CHN2: variants seen among roughly 807,000 people sequenced by gnomAD.
CHN2 encodes the protein beta-chimaerin.
Under a neutral mutation model 56.3 loss-of-function variants are expected in CHN2, and 35 were observed. That is an observed-to-expected ratio of 0.62 (90% CI 0.47 to 0.82). CHN2 has a LOEUF of 0.82. CHN2 is among the 40% of genes least tolerant of loss of function. The pLI is 0.00. For synonymous variants in CHN2, 210 were observed against 212.8 expected, an observed-to-expected ratio of 0.99 and a Z score of 0.12; for missense variants, 491 against 580.5, an observed-to-expected ratio of 0.85 and a Z score of 1.58.
chr7:29,342,097 A>T (rs1366483405), intron 1 of CHN2, among the ~76,000 whole-genome samples: 7 of 152,176 alleles, frequency 4.6e-5, no homozygotes, highest in Non-Finnish European at 7.4e-5. Flanking sequence ...GGCACCTTGA[A>T]AGCAGTGACT....
At chr7:29,227,411 T>C (rs930487416) in intron 1 of CHN2, among the ~76,000 whole-genome samples, 1 of 152,238 alleles carries the variant, frequency 6.6e-6, no homozygotes, top group African/African-American at 2.4e-5. Flanking sequence ...TTGTCTGCTG[T>C]CTAGAACTAC....
intron 1 of CHN2, among the ~76,000 whole-genome samples, chr7:29,274,083 C>T (rs1298175568): frequency 6.6e-6 from 1 of 152,128 alleles, no homozygotes; most frequent in African/African-American, 2.4e-5. Flanking sequence ...GGCATGGTGT[C>T]CCAAGCAAAT....
intron 1 of CHN2, among the ~76,000 whole-genome samples, chr7:29,294,161 C>CG (rs1792932379): frequency 6.6e-6 from 1 of 152,066 alleles, no homozygotes; most frequent in Admixed American, 6.6e-5. Flanking sequence ...CCACGGCGCC[C>CG]GGCCTGAGGG....
intron 1 of CHN2, among the ~76,000 whole-genome samples, chr7:29,210,342 G>A (rs529102324): frequency 2.6e-5 from 4 of 152,106 alleles, no homozygotes; most frequent in Admixed American, 6.5e-5. Context: ...GTCCAAGTAT[G>A]CTCCAAGGCG....
chr7:29,398,561 G>T (rs1801949053), intron 5 of CHN2, 75 bp downstream of exon 5: 1 of 917,476 alleles, frequency 1.1e-6, no homozygotes. Flanking sequence ...TTTAAGAATT[G>T]TAGCAGAGTA....
intron 1 of CHN2, among the ~76,000 whole-genome samples, chr7:29,222,095 G>A (rs1291755607): frequency 2.6e-5 from 4 of 152,026 alleles, no homozygotes; most frequent in Non-Finnish European, 5.9e-5. Context: ...AAATCAGGAA[G>A]GATCTCCCAT....
At chr7:29,315,210 T>C (rs1184682057) in intron 1 of CHN2, among the ~76,000 whole-genome samples, 1 of 152,234 alleles carries the variant, frequency 6.6e-6, no homozygotes, top group Non-Finnish European at 1.5e-5. Context: ...GATCTTCTCA[T>C]TATGAAATGC....
chr7:29,217,166 A>G (rs1785409765), intron 1 of CHN2, among the ~76,000 whole-genome samples: 2 of 152,234 alleles, frequency 1.3e-5, no homozygotes, highest in Non-Finnish European at 2.9e-5. Context: ...AAAATGAAAT[A>G]AGCAGTTTGG....
chr7:29,399,931 G>A (rs1455154587), intron 5 of CHN2, among the ~76,000 whole-genome samples: 1 of 152,168 alleles, frequency 6.6e-6, no homozygotes, highest in East Asian at 1.9e-4. Context: ...AGAGAGGAGG[G>A]AACCTCTAGG....
At chr7:29,199,193 G>C (rs1297314971) in intron 1 of CHN2, among the ~76,000 whole-genome samples, 1 of 152,092 alleles carries the variant, frequency 6.6e-6, no homozygotes, top group Non-Finnish European at 1.5e-5. Flanking sequence ...TCATTATTGG[G>C]GAGTCAAAAC....
Position 29,162,070 on chromosome 7 carries a change from T to C in CHN2, c.274+15110T>C, listed in dbSNP as rs576073812. Among the ~76,000 whole-genome samples the C allele has an allele frequency of 1.5e-3, 223 of 152,362 alleles. 1 individual carries two copies. The highest frequency in any genetic ancestry group is 5.2e-3 in the African/African-American group (216 of 41,592). On this transcript the variant is annotated intron_variant, in intron 2 of 6. Transcript: ENST00000439384. Reference sequence around the variant, plus strand: ...GGAAACTGGATCTCTCAGACATCGCTGGTGGCAATGTTAAACAGTACAGCC... The same window carrying C: ...GGAAACTGGATCTCTCAGACATCGCCGGTGGCAATGTTAAACAGTACAGCC...
intron 4 of CHN2, among the ~76,000 whole-genome samples, 193 bp downstream of exon 4, chr7:29,393,903 T>C (rs1409510168): frequency 6.6e-6 from 1 of 152,198 alleles, no homozygotes; most frequent in Non-Finnish European, 1.5e-5. Context: ...TTTCCATTAA[T>C]GTGGGAGGTA....
At chr7:29,355,865 C>A (rs1798274913) in intron 2 of CHN2, among the ~76,000 whole-genome samples, 3 of 141,864 alleles carry the variant, frequency 2.1e-5, no homozygotes, top group African/African-American at 7.8e-5. Flanking sequence ...CTCACTGCAA[C>A]CTCCACCTCC....
intron 6 of CHN2, among the ~76,000 whole-genome samples, chr7:29,462,887 G>A (rs1352123966): frequency 6.6e-6 from 1 of 150,646 alleles, no homozygotes; most frequent in African/African-American, 2.4e-5. Context: ...TTAGCATTAG[G>A]TATATCTCCT....
intron 2 of CHN2, among the ~76,000 whole-genome samples, chr7:29,151,551 T>C (rs1386756320): frequency 6.6e-6 from 1 of 152,174 alleles, no homozygotes; most frequent in Non-Finnish European, 1.5e-5. Flanking sequence ...TAGTGAAACT[T>C]TGTAAGGATT....
intron 2 of CHN2, among the ~76,000 whole-genome samples, chr7:29,172,523 A>T (rs1250002111): frequency 1.3e-5 from 2 of 152,258 alleles, no homozygotes; most frequent in African/African-American, 4.8e-5. Flanking sequence ...ATTGGAATCA[A>T]TTTGATTTCC....
intron 2 of CHN2, among the ~76,000 whole-genome samples, chr7:29,157,323 T>A (rs1253218110): frequency 6.7e-6 from 1 of 149,920 alleles, no homozygotes; most frequent in Non-Finnish European, 1.5e-5. Flanking sequence ...AAAATTGCAA[T>A]CCTTCTCCAC....
chr7:29,408,593 C>T (rs901492366), intron 6 of CHN2, among the ~76,000 whole-genome samples: 6 of 152,078 alleles, frequency 3.9e-5, no homozygotes, highest in Admixed American at 1.3e-4. Context: ...GGCTTTGCTC[C>T]CTTTCCATGA....
intron 2 of CHN2, among the ~76,000 whole-genome samples, chr7:29,169,991 C>T (rs1769879861): frequency 6.6e-6 from 1 of 151,984 alleles, no homozygotes; most frequent in Admixed American, 6.6e-5. Flanking sequence ...ATCCTCCTGC[C>T]TCTGCCTCCT....
Sources: gnomAD v4.1 joint callset for allele counts (sites outside exome capture counted in the v4.1 genomes callset) on GRCh38, gnomAD v4.1.1 for gene constraint, MANE v1.5 for transcripts, NCBI Gene and HGNC (gene_info 2026-07-23, HGNC 2026-07-21) for gene names.